Variants in ASTN2 observed in about 807,000 individuals in gnomAD.
ASTN2 encodes the protein astrotactin 2, also known as astrotactin-2.
Under a neutral mutation model 139.8 loss-of-function variants are expected in ASTN2, and 54 were observed. The ratio of observed to expected loss-of-function variants is 0.39; its 90% CI spans 0.31 to 0.48. ASTN2 has a LOEUF of 0.48. Ranked by LOEUF, ASTN2 falls within the 20% of genes least tolerant of loss-of-function variation. ASTN2 has a pLI of 0.95. For missense variants in ASTN2, 1,565 were observed against 1,725.1 expected, an observed-to-expected ratio of 0.91 and a Z score of 1.64; for synonymous variants, 756 against 719.5, an observed-to-expected ratio of 1.05 and a Z score of -0.81.
rs193115309 is a variant in ASTN2, at chr9:117,005,367, G to T, written c.1591+2725C>A. Among the ~76,000 whole-genome samples, 247 of 152,034 alleles carry T rather than the reference G, an allele frequency of 1.6e-3. 2 individuals carry two copies. The highest frequency in any genetic ancestry group is 5.7e-3 in the African/African-American group (235 of 41,452). ...CTCCCAAAGTGCTGGGATTACAGGC[G>T]AGAGTTCTTATAATTTTATGTTGTC... On this transcript the variant is annotated intron_variant, in intron 7 of 22. Transcript: ENST00000313400.
intron 12 of ASTN2, among the ~76,000 whole-genome samples, chr9:116,810,628 A>G (rs542849916): frequency 6.6e-6 from 1 of 152,324 alleles, no homozygotes; most frequent in South Asian, 2.1e-4. Flanking sequence ...GAACATAAAG[A>G]ACTTAAACAT....
intron 13 of ASTN2, among the ~76,000 whole-genome samples, chr9:116,738,232 G>A (rs1286871538): frequency 2.0e-5 from 3 of 151,516 alleles, no homozygotes; most frequent in Non-Finnish European, 1.5e-5. Context: ...CAGGAGCAGC[G>A]GCTCATGCCT....
intron 1 of ASTN2, among the ~76,000 whole-genome samples, chr9:117,328,075 T>C (rs747023656): frequency 3.3e-5 from 5 of 152,218 alleles, no homozygotes; most frequent in Non-Finnish European, 5.9e-5. Flanking sequence ...AAAAGATTTC[T>C]GATTCTTAGA....
chr9:117,395,995 G>A (rs186877835), intron 1 of ASTN2, among the ~76,000 whole-genome samples: 3 of 152,268 alleles, frequency 2.0e-5, no homozygotes, highest in African/African-American at 7.2e-5. Flanking sequence ...TTTACTATTG[G>A]AACCACAGTT....
intron 4 of ASTN2, among the ~76,000 whole-genome samples, chr9:117,134,468 G>A (rs77566723): frequency 0.043 from 6,543 of 151,858 alleles, 204 homozygotes; most frequent in Middle Eastern, 0.14. Flanking sequence ...GGAAATGTGT[G>A]AGCAAGATCC....
At chr9:116,796,009 C>A (rs954336619) in intron 13 of ASTN2, among the ~76,000 whole-genome samples, 3 of 152,176 alleles carry the variant, frequency 2.0e-5, no homozygotes, top group African/African-American at 7.2e-5. Context: ...AGGATCTAGT[C>A]CCTGCATAAT....
chr9:116,566,379 C>T (rs954001986), intron 19 of ASTN2, among the ~76,000 whole-genome samples: 1 of 152,142 alleles, frequency 6.6e-6, no homozygotes, highest in African/African-American at 2.4e-5. Flanking sequence ...TACTGACAGC[C>T]TCCTTAGCCA....
intron 2 of ASTN2, among the ~76,000 whole-genome samples, chr9:117,286,998 T>C (rs990407381): frequency 2.0e-5 from 3 of 152,176 alleles, no homozygotes; most frequent in African/African-American, 7.2e-5. Flanking sequence ...ATGGGCAAGA[T>C]GCAAAAATCC....
At chr9:116,675,692 T>C (rs1008484101) in intron 16 of ASTN2, among the ~76,000 whole-genome samples, 1 of 152,146 alleles carries the variant, frequency 6.6e-6, no homozygotes, top group African/African-American at 2.4e-5. Context: ...TCAGAAGGAA[T>C]TGCTGCTGGA....
intron 10 of ASTN2, among the ~76,000 whole-genome samples, chr9:116,917,584 C>T (rs1834485736): frequency 6.6e-6 from 1 of 152,126 alleles, no homozygotes; most frequent in African/African-American, 2.4e-5. Flanking sequence ...ATGCAGAATC[C>T]CAGGCCTCAT....
intron 16 of ASTN2, among the ~76,000 whole-genome samples, chr9:116,691,002 C>G (rs1261300939): frequency 6.6e-6 from 1 of 152,120 alleles, no homozygotes; most frequent in Admixed American, 6.5e-5. Flanking sequence ...TCACTGCAGC[C>G]TCAACCTCCT....
intron 1 of ASTN2, among the ~76,000 whole-genome samples, chr9:117,315,820 A>C (rs1336959086): frequency 6.6e-6 from 1 of 152,188 alleles, no homozygotes; most frequent in East Asian, 1.9e-4. Context: ...TAAGAAGTGA[A>C]AAAGAAATCC....
At chr9:116,791,307 A>C (rs1244909391) in intron 13 of ASTN2, among the ~76,000 whole-genome samples, 2 of 152,246 alleles carry the variant, frequency 1.3e-5, no homozygotes, top group Non-Finnish European at 2.9e-5. Flanking sequence ...TAATTAATAA[A>C]ACAATAACAG....
rs781341320 is a variant in ASTN2, at chr9:116,820,731, G to T, written c.2093C>A (p.Ser698Tyr). 6.2e-7 allele frequency: 1 copy of T among 1,614,202 alleles called. No homozygotes were observed. The highest frequency in any genetic ancestry group is 8.5e-7 in the Non-Finnish European group (1 of 1,180,024). Residue 698 changes from serine to tyrosine, a missense_variant, in exon 12 of 23, where the codon TCC becomes TAC. This residue lies in a region of ASTN2 where 503 missense variants were observed against 591.7 expected (regional missense o/e 0.85). Transcript: ENST00000313400. ...MKDGSGCYDH[S>Y]KGIDCSDGFN... is the part of the protein sequence containing the mutation. Reference sequence around the variant, plus strand: ...GCCATCAGAGCAGTCAATGCCTTTGGAGTGGTCGTAGCAGCCAGAGCCATC... The same window carrying T: ...GCCATCAGAGCAGTCAATGCCTTTGTAGTGGTCGTAGCAGCCAGAGCCATC...
chr9:117,298,505 C>G (rs1587924349), intron 1 of ASTN2, among the ~76,000 whole-genome samples: 1 of 152,122 alleles, frequency 6.6e-6, no homozygotes, highest in African/African-American at 2.4e-5. Flanking sequence ...ACCTGCCTCA[C>G]AGGGTCGTTT....
intron 10 of ASTN2, among the ~76,000 whole-genome samples, chr9:116,958,452 G>A (rs1156320557): frequency 6.6e-6 from 1 of 152,130 alleles, no homozygotes; most frequent in African/African-American, 2.4e-5. Context: ...AGCCGGGCGT[G>A]GCGGCGGGTG....
chr9:117,061,138 C>CA (rs1839276661), intron 5 of ASTN2, among the ~76,000 whole-genome samples: 1 of 109,186 alleles, frequency 9.2e-6, no homozygotes. Context: ...ATACACCAGT[C>CA]TTTTATTTAT....
At chr9:116,708,364 A>C (rs1246823809) in intron 16 of ASTN2, among the ~76,000 whole-genome samples, 1 of 152,234 alleles carries the variant, frequency 6.6e-6, no homozygotes, top group Non-Finnish European at 1.5e-5. Context: ...CTTTTAATTC[A>C]TAGATTTGGC....
intron 3 of ASTN2, among the ~76,000 whole-genome samples, chr9:117,189,937 C>T (rs776489808): frequency 7.9e-5 from 12 of 152,160 alleles, no homozygotes; most frequent in East Asian, 7.7e-4. Flanking sequence ...TAAGGCCTCC[C>T]GCTCTTGCTA....
Sources: allele counts gnomAD v4.1 joint callset (sites outside exome capture counted in the v4.1 genomes callset), GRCh38; gene constraint gnomAD v4.1.1; regional missense constraint gnomAD v4.1.1; transcripts MANE v1.5; gene names NCBI Gene and HGNC (gene_info 2026-07-23, HGNC 2026-07-21).